NCAPH2: variants seen among roughly 807,000 people sequenced by gnomAD.
NCAPH2 encodes the protein condensin-2 complex subunit H2.
A neutral mutation model predicts 88.6 loss-of-function variants in NCAPH2; 56 were observed. That is an observed-to-expected ratio of 0.63 (90% CI 0.51 to 0.79). The LOEUF is 0.79. NCAPH2 is among the 30% of genes least tolerant of loss of function. The pLI is 0.00. For missense variants in NCAPH2, 794 were observed against 792.0 expected, an observed-to-expected ratio of 1.00 and a Z score of -0.03; for synonymous variants, 378 against 313.6, an observed-to-expected ratio of 1.21 and a Z score of -2.17.
chr22:50,521,160 T>A (rs188703169), intron 10 of NCAPH2, 124 bp downstream of exon 10: 2 of 1,144,904 alleles, frequency 1.7e-6, no homozygotes, highest in Non-Finnish European at 2.5e-6. Context: ...CCCTTTGCAC[T>A]TGCTCTCTTA....
Position 50,518,225 on chromosome 22 carries a change from G to T in NCAPH2, c.593G>T (p.Gly198Val), listed in dbSNP as rs776303299. ...GGGGCCTTCATGTTGGAGCCAGAGG[G>T]CATGTCCCCCATGGAACCAGCGGGC... ...PRGAFMLEPE[G>V]MSPMEPAGVS... The change falls in exon 7 of 20, where the codon GGC becomes GTC. Residue 198 changes from glycine (G) to valine (V), a missense_variant. By Grantham distance (109) the Gly-to-Val change is moderately radical. This residue lies in a region of NCAPH2 where 735 missense variants were observed against 696.3 expected (regional missense o/e 1.06). Transcript: ENST00000420993. 3 of 1,613,996 alleles carry T rather than the reference G, an allele frequency of 1.9e-6. No individual in the cohort carries two copies. The highest frequency in any genetic ancestry group is 2.2e-5 in the South Asian group (2 of 91,088).
rs778847383 is a variant in NCAPH2, at chr22:50,524,035, A to G, written c.*660A>G. 6.8e-6 allele frequency: 11 copies of G among 1,613,390 alleles called. No individual in the cohort carries two copies. The highest frequency in any genetic ancestry group is 1.3e-5 in the African/African-American group (1 of 74,914). On this transcript the variant is annotated 3_prime_UTR_variant, in exon 20 of 20. Transcript: ENST00000420993. ...AGGGCAGTGAGTGAAGCCAAAGTACATCAGCACCCACTGGCCCCGGAAGTC... is the reference window on the plus strand; with the variant it reads ...AGGGCAGTGAGTGAAGCCAAAGTACGTCAGCACCCACTGGCCCCGGAAGTC...
rs2068969570 is a variant in NCAPH2, at chr22:50,517,774, A to G, written c.385A>G (p.Thr129Ala). 6.2e-7 allele frequency: 1 copy of G among 1,613,880 alleles called. No homozygotes were observed. The highest frequency in any genetic ancestry group is 1.1e-5 in the South Asian group (1 of 91,084). ...GCTGGATGACTTCCCTGACTCCCGGACTAACGTGGATCTCAAGAATGATCA... is the reference window on the plus strand; with the variant it reads ...GCTGGATGACTTCCCTGACTCCCGGGCTAACGTGGATCTCAAGAATGATCA... ...LSLDDFPDSR[T>A]NVDLKNDQTP... Residue 129 changes from threonine (T) to alanine (A), a missense_variant, in exon 5 of 20, where the codon ACT becomes GCT. Physicochemically the swap from Thr to Ala is moderately conservative, Grantham distance 58 (BLOSUM62 0). Transcript: ENST00000420993.
Position 50,524,133 on chromosome 22 carries a change from G to A in NCAPH2, c.*758G>A. 1 of 1,612,496 alleles carries A rather than the reference G, an allele frequency of 6.2e-7. No individual in the cohort carries two copies. Among genetic ancestry groups the A allele is most frequent in the Middle Eastern group, 1.7e-4 (1 of 6,038 alleles). On this transcript the variant is annotated 3_prime_UTR_variant, in exon 20 of 20. Transcript: ENST00000420993. ...CCTGGCCCACAGCTGCCTGGCGCAG[G>A]GCTTCTGTTCGCTTTTGCTGCTGCA...
At position 50,521,996 on chromosome 22, in the gene NCAPH2, T is replaced by C; in HGVS notation, c.1119T>C (p.His373=). The C allele has an allele frequency of 6.2e-7, 1 of 1,614,030 alleles. No homozygotes were observed. The highest frequency in any genetic ancestry group is 8.5e-7 in the Non-Finnish European group (1 of 1,179,970). Residue 373 remains histidine, a synonymous_variant, in exon 13 of 20, where the codon CAT becomes CAC. Transcript: ENST00000420993. ...HQWYLAAYAD[H]ADSRRLRRKG... is the part of the protein sequence containing the mutation. ...CATGTTCTTTCACAGATGCAGACCA[T>C]GCCGACAGCAGGCGGCTTCGGCGAA...
intron 1 of NCAPH2, among the ~76,000 whole-genome samples, chr22:50,510,912 T>G (rs2068764183): frequency 6.6e-6 from 1 of 151,610 alleles, no homozygotes; most frequent in Admixed American, 6.6e-5. Flanking sequence ...AGTGGCATGA[T>G]CTCAGCTCAC....
chr22:50,517,808 G>T lies in NCAPH2; in HGVS notation c.419G>T (p.Ser140Ile), dbSNP rs201118245. The change falls in exon 5 of 20, where the codon AGT becomes ATT. Residue 140 changes from serine to isoleucine, a missense_variant and splice_region_variant. Physicochemically the swap from Ser to Ile is moderately radical, Grantham distance 142 (BLOSUM62 -2). Coordinates refer to ENST00000420993, the MANE Select transcript of NCAPH2 (RefSeq NM_152299.4). The stretch of plus-strand genomic sequence containing the variant: ...GATCTCAAGAATGATCAGACGCCCA[G>T]TGTGAGTCCTGGCCTGGCCCCTCTT... ...NVDLKNDQTP[S>I]EVLIIPLLPM... is the part of the protein sequence containing the mutation. 6 of 1,613,728 alleles carry T rather than the reference G, an allele frequency of 3.7e-6. No individual in the cohort carries two copies. The highest frequency in any genetic ancestry group is 5.1e-6 in the Non-Finnish European group (6 of 1,179,992).
At chr22:50,521,334 T>C (rs1352302686) in intron 10 of NCAPH2, among the ~76,000 whole-genome samples, 4 of 137,402 alleles carry the variant, frequency 2.9e-5, no homozygotes, top group Non-Finnish European at 5.9e-5. Context: ...AGGGTGGCTG[T>C]GTACCCCCTA....
chr22:50,511,888 C>T (rs1603440435), intron 1 of NCAPH2, among the ~76,000 whole-genome samples: 1 of 152,268 alleles, frequency 6.6e-6, no homozygotes, highest in South Asian at 2.1e-4. Context: ...ACCTCGTGAT[C>T]CACCCGCCTC....
intron 1 of NCAPH2, among the ~76,000 whole-genome samples, chr22:50,513,663 G>A (rs2068844751): frequency 6.6e-6 from 1 of 152,262 alleles, no homozygotes; most frequent in African/African-American, 2.4e-5. Flanking sequence ...TTGGGAGGCT[G>A]AGGCAGGAAA....
chr22:50,518,706 C>A lies in NCAPH2; in HGVS notation c.704C>A (p.Pro235Gln). ...GTTTCCGTGTGCAGGAGCCCTGTCC[C>A]AGCACTCGGCTTCTCCCAGGAGCCA... is the stretch of plus-strand genomic sequence containing the variant. ...MEVSVCRSPV[P>Q]ALGFSQEPGP... Residue 235 changes from proline to glutamine, a missense_variant, in exon 8 of 20, where the codon CCA becomes CAA. Physicochemically the swap from Pro to Gln is moderately conservative, Grantham distance 76. This residue lies in a region of NCAPH2 where 735 missense variants were observed against 696.3 expected (regional missense o/e 1.06). Transcript: ENST00000420993. The A allele has an allele frequency of 6.2e-7, 1 of 1,608,254 alleles. No individual in the cohort carries two copies.
chr22:50,518,705 C>A lies in NCAPH2; in HGVS notation c.703C>A (p.Pro235Thr). 1 of 1,608,620 alleles carries A rather than the reference C, an allele frequency of 6.2e-7. No individual in the cohort carries two copies. ...MEVSVCRSPV[P>T]ALGFSQEPGP... ...AGTTTCCGTGTGCAGGAGCCCTGTC[C>A]CAGCACTCGGCTTCTCCCAGGAGCC... The change falls in exon 8 of 20, where the codon CCA (proline) becomes ACA (threonine). Residue 235 changes from proline (P) to threonine (T), a missense_variant. Physicochemically the swap from Pro to Thr is conservative, Grantham distance 38. Around this residue, in one of 2 missense-constraint regions of NCAPH2, gnomAD observed 735 missense variants for 696.3 expected, o/e 1.06. Coordinates refer to ENST00000420993, the MANE Select transcript of NCAPH2 (RefSeq NM_152299.4).
At position 50,524,048 on chromosome 22, in the gene NCAPH2, G is replaced by A. The variant is rs1358061279; in HGVS notation, c.*673G>A. On this transcript the variant is annotated 3_prime_UTR_variant, in exon 20 of 20. Transcript: ENST00000420993. Reference sequence around the variant, plus strand: ...AAGCCAAAGTACATCAGCACCCACTGGCCCCGGAAGTCAGCCTTGCAGCGA... The same window carrying A: ...AAGCCAAAGTACATCAGCACCCACTAGCCCCGGAAGTCAGCCTTGCAGCGA... 1 of 1,613,472 alleles carries A rather than the reference G, an allele frequency of 6.2e-7. No homozygotes were observed. The highest frequency in any genetic ancestry group is 8.5e-7 in the Non-Finnish European group (1 of 1,180,032).
rs1416866419 is a variant in NCAPH2, at chr22:50,524,373, C to T, written c.*998C>T. Reference sequence around the variant, plus strand: ...GGACCCGAGGCTTGAGCTGAGAGAGCCTGTGCCAAGCTGTGGGGCTCCGAG... The same window carrying T: ...GGACCCGAGGCTTGAGCTGAGAGAGTCTGTGCCAAGCTGTGGGGCTCCGAG... On this transcript the variant is annotated 3_prime_UTR_variant, in exon 20 of 20. Coordinates refer to ENST00000420993, the MANE Select transcript of NCAPH2 (RefSeq NM_152299.4). 6.2e-6 allele frequency: 10 copies of T among 1,602,966 alleles called. No homozygotes were observed. In the East Asian group the frequency reaches 6.7e-5, roughly 11 times the overall value.
At position 50,522,955 on chromosome 22, in the gene NCAPH2, T is replaced by C. The variant is rs755909352; in HGVS notation, c.1527+33T>C. The C allele has an allele frequency of 4.3e-6, 7 of 1,612,130 alleles. No homozygotes were observed. The Admixed American group carries it at 5.0e-5, about 12-fold the overall frequency. On this transcript the variant is annotated intron_variant, in intron 18 of 19. Transcript: ENST00000420993. ...GGGGCCGCTGGGAACCAGAGCTGTG[T>C]GCCACGGGTCTGTCCAGGGCCTTGC...
intron 10 of NCAPH2, 134 bp downstream of exon 10, chr22:50,521,170 A>G: frequency 1.0e-5 from 10 of 1,001,932 alleles, no homozygotes; most frequent in South Asian, 4.7e-5. Context: ...TTGCTCTCTT[A>G]AAGACCCCCT....
chr22:50,517,373 C>G, intron 2 of NCAPH2, 54 bp from the exon 3 acceptor site: 1 of 1,594,098 alleles, frequency 6.3e-7, no homozygotes. Context: ...CTGGGAAGGC[C>G]TTGGGGGTGG....
intron 4 of NCAPH2, 31 bp from the exon 5 acceptor site, chr22:50,517,710 C>A (rs371595904): frequency 1.1e-4 from 174 of 1,613,978 alleles, no homozygotes; most frequent in Non-Finnish European, 1.8e-5. Context: ...TTTGCCTGGG[C>A]TCCGCCCCCA....
At chr22:50,518,320 G>A (rs2068987539) in intron 7 of NCAPH2, 42 bp downstream of exon 7, 10 of 1,599,464 alleles carry the variant, frequency 6.3e-6, no homozygotes, top group Non-Finnish European at 8.5e-6. Context: ...AAGGAAGGGA[G>A]GGTCTTCTGG....
Sources: allele counts gnomAD v4.1 joint callset (sites outside exome capture counted in the v4.1 genomes callset), GRCh38; gene constraint gnomAD v4.1.1; regional missense constraint gnomAD v4.1.1; transcripts MANE v1.5; gene names NCBI Gene and HGNC (gene_info 2026-07-23, HGNC 2026-07-21).